The following WDR49 variants were observed in gnomAD, a reference collection of about 807,000 sequenced individuals.
The protein encoded by WDR49 is WD repeat domain 49.
Under a neutral mutation model 119.5 loss-of-function variants are expected in WDR49, and 107 were observed. The observed-to-expected ratio is 0.90, with a 90% CI of 0.77 to 1.05. The LOEUF is 1.05. Among genes scored for constraint, WDR49 ranks in the 50% least tolerant of loss-of-function variants. The pLI, the probability that WDR49 is intolerant of heterozygous loss-of-function variation, is 0.00. For synonymous variants in WDR49, 425 were observed against 418.8 expected, an observed-to-expected ratio of 1.01 and a Z score of -0.18; for missense variants, 1,240 against 1,220.5, an observed-to-expected ratio of 1.02 and a Z score of -0.24.
At chr3:167,639,968 C>A (rs886462753) in intron 2 of WDR49, among the ~76,000 whole-genome samples, 1 of 151,758 alleles carries the variant, frequency 6.6e-6, no homozygotes, top group Non-Finnish European at 1.5e-5. Flanking sequence ...TACTAGGAAT[C>A]CTTCCATGTT....
chr3:167,512,330 C>T (rs1266715484), intron 16 of WDR49, among the ~76,000 whole-genome samples: 1 of 152,094 alleles, frequency 6.6e-6, no homozygotes. Flanking sequence ...GTAAATAGAG[C>T]CTAGAGTGGA....
chr3:167,647,524 A>G (rs994207806), intron 2 of WDR49, among the ~76,000 whole-genome samples: 1 of 152,184 alleles, frequency 6.6e-6, no homozygotes, highest in South Asian at 2.1e-4. Flanking sequence ...AATTTTAACA[A>G]ATCAGATAAA....
At chr3:167,536,790 T>C in intron 11 of WDR49, 80 bp downstream of exon 11, 1 of 1,245,070 alleles carries the variant, frequency 8.0e-7, no homozygotes. Flanking sequence ...GAGAAAAAGC[T>C]TTTCTAAAGG....
At chr3:167,588,356 A>G (rs1451186126) in intron 7 of WDR49, among the ~76,000 whole-genome samples, 1 of 152,116 alleles carries the variant, frequency 6.6e-6, no homozygotes, top group Non-Finnish European at 1.5e-5. Flanking sequence ...TTATCTTTTG[A>G]TGGACACTTG....
intron 16 of WDR49, among the ~76,000 whole-genome samples, chr3:167,513,871 T>C (rs1487680793): frequency 6.6e-6 from 1 of 152,138 alleles, no homozygotes; most frequent in Non-Finnish European, 1.5e-5. Flanking sequence ...AAAAAGGCAT[T>C]ACATAATGGT....
At chr3:167,479,140 C>T (rs1750597613) in intron 18 of WDR49, 144 bp from the exon 19 acceptor site, 12 of 623,222 alleles carry the variant, frequency 1.9e-5, no homozygotes, top group Non-Finnish European at 3.0e-5. Context: ...GAAAAATTTT[C>T]TCTAAGCTTC....
intron 13 of WDR49, among the ~76,000 whole-genome samples, chr3:167,529,784 T>C (rs1017742531): frequency 1.3e-5 from 2 of 152,134 alleles, no homozygotes; most frequent in South Asian, 2.1e-4. Context: ...TAAACCCTTA[T>C]AAAACCCCTT....
chr3:167,531,197 G>A lies in WDR49; in HGVS notation c.2136C>T (p.Arg712=), dbSNP rs758809877. Reference sequence around the variant, plus strand: ...TGCCCTCAGTGTCAATCTCAAAGTTGCGGACTCCCGTGGTAGAATGGTCTG... The same window carrying A: ...TGCCCTCAGTGTCAATCTCAAAGTTACGGACTCCCGTGGTAGAATGGTCTG... The part of the protein sequence containing the change: ...PMADHSTTGV[R]NFEIDTEGKN... Residue 712 remains arginine, a synonymous_variant, in exon 13 of 19, where the codon CGC becomes CGT. Coordinates refer to ENST00000682715, the MANE Select transcript of WDR49 (RefSeq NM_001366157.1). 6.2e-7 allele frequency: 1 copy of A among 1,611,912 alleles called. No homozygotes were observed. Among genetic ancestry groups the A allele is most frequent in the Non-Finnish European group, 8.5e-7 (1 of 1,179,582 alleles).
chr3:167,571,249 G>T (rs986680835), intron 8 of WDR49, among the ~76,000 whole-genome samples: 2 of 152,004 alleles, frequency 1.3e-5, no homozygotes, highest in Admixed American at 1.3e-4. Context: ...CATGCTTCTG[G>T]ATTATGAAAA....
chr3:167,584,469 T>C (rs182092728), intron 7 of WDR49, among the ~76,000 whole-genome samples: 11 of 152,210 alleles, frequency 7.2e-5, no homozygotes, highest in Admixed American at 6.5e-4. Context: ...GGAAGGATAA[T>C]ATGTTGGAGG....
At chr3:167,581,160 C>T (rs1714509746) in intron 7 of WDR49, among the ~76,000 whole-genome samples, 1 of 152,034 alleles carries the variant, frequency 6.6e-6, no homozygotes, top group African/African-American at 2.4e-5. Context: ...TAAATTTTGC[C>T]ATAATTAGTA....
chr3:167,496,423 C>G (rs1045150816), intron 18 of WDR49, among the ~76,000 whole-genome samples: 1 of 151,894 alleles, frequency 6.6e-6, no homozygotes, highest in Admixed American at 6.6e-5. Context: ...CACCTTAGAG[C>G]TGCTTATACC....
At chr3:167,569,116 G>T (rs1041302804) in intron 8 of WDR49, among the ~76,000 whole-genome samples, 5 of 151,756 alleles carry the variant, frequency 3.3e-5, no homozygotes, top group Non-Finnish European at 7.4e-5. Context: ...TAATTTTTTC[G>T]TATTTTTAGT....
intron 10 of WDR49, among the ~76,000 whole-genome samples, chr3:167,543,967 A>G (rs1480072795): frequency 6.6e-6 from 1 of 152,024 alleles, no homozygotes; most frequent in African/African-American, 2.4e-5. Context: ...AAGCTTCAGA[A>G]TACAAAATCA....
At chr3:167,520,072 G>C (rs1752378529) in intron 16 of WDR49, among the ~76,000 whole-genome samples, 3 of 125,614 alleles carry the variant, frequency 2.4e-5, no homozygotes, top group African/African-American at 9.9e-5. Context: ...CATCTATAAA[G>C]AAAAAAATGT....
chr3:167,522,284 T>G, intron 16 of WDR49, 31 bp downstream of exon 16: 1 of 1,543,792 alleles, frequency 6.5e-7, no homozygotes, highest in Non-Finnish European at 8.7e-7. Flanking sequence ...AGACTTCAGT[T>G]GACATCTGGC....
chr3:167,608,589 T>C lies in WDR49; in HGVS notation c.959-4121A>G, dbSNP rs530782689. The stretch of plus-strand genomic sequence containing the variant: ...TGATTAAACTGTAGAATGCCAGAGT[T>C]CCTGAGAGTGCCTGGGTAAAAGGTG... On this transcript the variant is annotated intron_variant, in intron 5 of 18. Coordinates refer to ENST00000682715, the MANE Select transcript of WDR49 (RefSeq NM_001366157.1). Among the ~76,000 whole-genome samples, 38 of 152,318 alleles carry C rather than the reference T, an allele frequency of 2.5e-4. 1 individual carries two copies. The South Asian group carries it at 7.9e-3, about 32-fold the overall frequency.
intron 2 of WDR49, among the ~76,000 whole-genome samples, chr3:167,632,661 A>G (rs1390608218): frequency 6.6e-6 from 1 of 152,098 alleles, no homozygotes; most frequent in African/African-American, 2.4e-5. Context: ...TAAATGTACA[A>G]TTAAGGTAAT....
At chr3:167,610,521 TAA>T in intron 5 of WDR49, among the ~76,000 whole-genome samples, 1 of 152,272 alleles carries the variant, frequency 6.6e-6, no homozygotes, top group East Asian at 1.9e-4. Context: ...TCAGCTGCAA[TAA>T]GAGAACACCA....
Sources: gnomAD v4.1 joint callset for allele counts (sites outside exome capture counted in the v4.1 genomes callset) on GRCh38, gnomAD v4.1.1 for gene constraint, MANE v1.5 for transcripts, NCBI Gene and HGNC (gene_info 2026-07-23, HGNC 2026-07-21) for gene names.